USH2A: variants seen among roughly 807,000 people sequenced by gnomAD.
USH2A encodes the protein usherin.
In USH2A, 443 loss-of-function variants were observed where a neutral mutation model predicts 538.9. That is an observed-to-expected ratio of 0.82 (90% CI 0.76 to 0.89). The LOEUF (loss-of-function observed/expected upper bound fraction) is 0.89, where lower values mean the gene tolerates loss of function less well. USH2A is among the 40% of genes least tolerant of loss of function. The probability of loss-of-function intolerance (pLI) is 0.00; values close to 1 mark genes in which losing one functional copy is unlikely to be tolerated. For missense variants in USH2A, 6,633 were observed against 6,324.8 expected (o/e 1.05, Z -1.65); for synonymous variants, 2,413 against 2,273.5 (o/e 1.06, Z -1.75).
At chr1:215,749,038 G>T (rs907409705) in intron 58 of USH2A, among the ~76,000 whole-genome samples, 1 of 152,130 alleles carries the variant, frequency 6.6e-6, no homozygotes, top group Non-Finnish European at 1.5e-5. Context: ...TAATGTCTTT[G>T]TAACACTATT....
chr1:216,383,931 A>T lies in USH2A; in HGVS notation c.652-18846T>A, dbSNP rs563889811. 1.8e-3 allele frequency among the ~76,000 whole-genome samples: 261 copies of T among 144,130 alleles called. 3 individuals carry two copies. The highest frequency in any genetic ancestry group is 6.7e-3 in the African/African-American group (255 of 38,256). 94.6% of individuals were successfully genotyped at this position (144,130 alleles called of 152,430 possible). On this transcript the variant is annotated intron_variant, in intron 3 of 71. Transcript: ENST00000307340. ...GCCCAACCTGGCCTTGAAATCCTGG[A>T]CTCAAGTGATCCTCCTGCGTAGGCC...
At chr1:216,305,800 C>G (rs2102629920) in intron 9 of USH2A, among the ~76,000 whole-genome samples, 1 of 152,194 alleles carries the variant, frequency 6.6e-6, no homozygotes, top group East Asian at 1.9e-4. Flanking sequence ...AAATTCCTGG[C>G]CAATAACTGT....
rs538766038 is a variant in USH2A at position 215,705,172 on chromosome 1, C to T, written c.12066+22858G>A. Among the ~76,000 whole-genome samples the T allele has an allele frequency of 8.5e-5, 13 of 152,260 alleles. No individual in the cohort carries two copies. In the South Asian group the frequency reaches 2.1e-3, roughly 24 times the overall value. ...TATCCCTAAGAAAGAGAAAAATATG[C>T]TGCTAATTCAACAAGAACACAGTGA... On this transcript the variant is annotated intron_variant, in intron 61 of 71. Coordinates refer to ENST00000307340, the MANE Select transcript of USH2A (RefSeq NM_206933.4).
At chr1:216,387,277 C>A (rs1438256912) in intron 3 of USH2A, among the ~76,000 whole-genome samples, 1 of 152,152 alleles carries the variant, frequency 6.6e-6, no homozygotes, top group Non-Finnish European at 1.5e-5. Flanking sequence ...TCTGTTTTTA[C>A]TAAGCTACAA....
In USH2A at chr1:215,998,923, G is replaced by T. The variant is rs771072859; in HGVS notation, c.6621C>A (p.Tyr2207Ter). 1.9e-6 allele frequency: 3 copies of T among 1,613,116 alleles called. No homozygotes were observed. The South Asian group carries it at 3.3e-5, about 18-fold the overall frequency. Reference sequence around the variant, plus strand: ...TGAGATATTTATTACCAGGTAAAACGTATTGTAGCATATGATCCTGGAAAA... The same window carrying T: ...TGAGATATTTATTACCAGGTAAAACTTATTGTAGCATATGATCCTGGAAAA... Reference protein sequence around the residue: ...TELFQDHMLQYVLPGNKYLIK... With the variant: ...TELFQDHMLQ The change falls in exon 34 of 72, where the codon TAC becomes TAA. Residue 2207 changes from tyrosine (Y) to a stop codon, truncating the protein, a stop_gained. Coordinates refer to ENST00000307340, the MANE Select transcript of USH2A (RefSeq NM_206933.4). LOFTEE classifies it high-confidence loss of function.
At chr1:215,982,213 G>T (rs551593717) in intron 35 of USH2A, among the ~76,000 whole-genome samples, 1 of 152,082 alleles carries the variant, frequency 6.6e-6, no homozygotes, top group Non-Finnish European at 1.5e-5. Context: ...AACAAAATGG[G>T]GTAATATTCC....
chr1:215,913,795 T>G (rs2102482047), intron 38 of USH2A, among the ~76,000 whole-genome samples: 1 of 152,086 alleles, frequency 6.6e-6, no homozygotes, highest in African/African-American at 2.4e-5. Context: ...AATTACTAAG[T>G]ATTTCTGGCT....
At chr1:215,843,003 TA>T (rs1402040902) in intron 46 of USH2A, among the ~76,000 whole-genome samples, 1 of 151,774 alleles carries the variant, frequency 6.6e-6, no homozygotes, top group East Asian at 1.9e-4. Context: ...AAAAGAAAAA[TA>T]ATTAATGTAC....
intron 46 of USH2A, among the ~76,000 whole-genome samples, chr1:215,840,039 T>A (rs1376356912): frequency 1.3e-5 from 2 of 151,594 alleles, no homozygotes; most frequent in Non-Finnish European, 2.9e-5. Context: ...GGTGGGCACC[T>A]GGAATCCTAG....
At chr1:215,760,212 T>C (rs1297816790) in intron 56 of USH2A, among the ~76,000 whole-genome samples, 3 of 152,142 alleles carry the variant, frequency 2.0e-5, no homozygotes, top group African/African-American at 7.2e-5. Context: ...AATTATACAA[T>C]TCAACAAATG....
chr1:216,349,227 A>T (rs951092385), intron 4 of USH2A, among the ~76,000 whole-genome samples: 2 of 152,062 alleles, frequency 1.3e-5, no homozygotes, highest in Non-Finnish European at 2.9e-5. Context: ...CCTAATTGTT[A>T]GGCAGGAATA....
chr1:216,152,480 C>T (rs1316469926), intron 21 of USH2A, among the ~76,000 whole-genome samples: 1 of 151,344 alleles, frequency 6.6e-6, no homozygotes, highest in African/African-American at 2.4e-5. Context: ...CACTGAGCAC[C>T]TTGCGACCCC....
chr1:216,258,700 A>G (rs777753640), intron 11 of USH2A, among the ~76,000 whole-genome samples: 11 of 152,132 alleles, frequency 7.2e-5, no homozygotes, highest in Non-Finnish European at 1.5e-4. Flanking sequence ...TTTCTCAGCA[A>G]ACATTGTCCT....
intron 3 of USH2A, among the ~76,000 whole-genome samples, chr1:216,413,299 T>A (rs2039523116): frequency 6.6e-6 from 1 of 151,982 alleles, no homozygotes; most frequent in African/African-American, 2.4e-5. Context: ...GGGATGGTAT[T>A]CCTATGACAA....
intron 50 of USH2A, among the ~76,000 whole-genome samples, chr1:215,792,420 G>A (rs80236641): frequency 1.6e-4 from 25 of 152,216 alleles, no homozygotes; most frequent in African/African-American, 2.2e-4. Flanking sequence ...TATCAACCTT[G>A]TTCCAGTGTG....
intron 4 of USH2A, among the ~76,000 whole-genome samples, chr1:216,329,711 C>T (rs2037816389): frequency 6.6e-6 from 1 of 152,002 alleles, no homozygotes; most frequent in African/African-American, 2.4e-5. Context: ...ATTTTTCTGC[C>T]TCATACAGCC....
intron 61 of USH2A, among the ~76,000 whole-genome samples, chr1:215,684,478 T>C (rs1347096311): frequency 6.6e-6 from 1 of 152,186 alleles, no homozygotes; most frequent in African/African-American, 2.4e-5. Context: ...CCCAACTTAG[T>C]CATCTTTGAG....
chr1:215,664,662 T>A (rs1049451505), intron 64 of USH2A, among the ~76,000 whole-genome samples: 7 of 152,236 alleles, frequency 4.6e-5, no homozygotes, highest in Non-Finnish European at 8.8e-5. Context: ...TTTTGTCCCC[T>A]TCAAATACAT....
At chr1:216,044,693 T>C (rs978556822) in intron 32 of USH2A, among the ~76,000 whole-genome samples, 15 of 152,144 alleles carry the variant, frequency 9.9e-5, no homozygotes, top group African/African-American at 3.4e-4. Flanking sequence ...TAAGACAAGT[T>C]AAAACACTTG....
Sources: allele counts gnomAD v4.1 joint callset (sites outside exome capture counted in the v4.1 genomes callset), GRCh38; gene constraint gnomAD v4.1.1; transcripts MANE v1.5; gene names NCBI Gene and HGNC (gene_info 2026-07-23, HGNC 2026-07-21).